KNTC1: variants seen among roughly 807,000 people sequenced by gnomAD.
KNTC1 encodes the protein kinetochore-associated protein 1.
Under a neutral mutation model 314.4 loss-of-function variants are expected in KNTC1, and 253 were observed. The ratio of observed to expected loss-of-function variants is 0.80; its 90% CI spans 0.73 to 0.89. The LOEUF (loss-of-function observed/expected upper bound fraction) is 0.89, where lower values mean the gene tolerates loss of function less well. Ranked by LOEUF, KNTC1 falls within the 40% of genes least tolerant of loss-of-function variation. KNTC1 has a pLI of 0.00. For synonymous variants in KNTC1, 901 were observed against 901.4 expected (o/e 1.00, Z 0.01); for missense variants, 2,475 against 2,572.9 (o/e 0.96, Z 0.82).
At chr12:122,529,512 T>C (rs1296043308) in intron 1 of KNTC1, among the ~76,000 whole-genome samples, 1 of 152,178 alleles carries the variant, frequency 6.6e-6, no homozygotes. Context: ...CTCCTCCCCT[T>C]ATCATTTTTA....
At chr12:122,577,948 A>T (rs887117025) in intron 31 of KNTC1, among the ~76,000 whole-genome samples, 157 bp downstream of exon 31, 2 of 152,208 alleles carry the variant, frequency 1.3e-5, no homozygotes. Context: ...TACTAGGAGA[A>T]AAAAAACAAT....
intron 3 of KNTC1, among the ~76,000 whole-genome samples, chr12:122,536,205 G>A (rs1482872202): frequency 2.7e-5 from 4 of 149,988 alleles, no homozygotes; most frequent in East Asian, 2.0e-4. Context: ...ACCCGACCCC[G>A]AAAGTTTTTT....
At position 122,573,222 on chromosome 12, in the gene KNTC1, T is replaced by A. The variant is rs1182349957; in HGVS notation, c.2220T>A (p.Phe740Leu). The change falls in exon 26 of 64, where the codon TTT becomes TTA. Residue 740 changes from phenylalanine (F) to leucine (L), a missense_variant. By Grantham distance (22) the Phe-to-Leu change is conservative. Transcript: ENST00000333479. ...PELIPSILEKFIRVYMREHDL... is the reference protein window; with the variant it reads ...PELIPSILEKLIRVYMREHDL... ...TTATTCCCTCCATCTTAGAGAAGTT[T>A]ATAAGAGTTTACATGAGAGAACATG... The A allele has an allele frequency of 3.7e-6, 6 of 1,613,890 alleles. No individual in the cohort carries two copies. Among genetic ancestry groups the A allele is most frequent in the Non-Finnish European group, 5.1e-6 (6 of 1,179,800 alleles).
intron 6 of KNTC1, among the ~76,000 whole-genome samples, chr12:122,543,235 G>A (rs1962487448): frequency 6.6e-6 from 1 of 152,148 alleles, no homozygotes; most frequent in African/African-American, 2.4e-5. Context: ...TTAAAATACT[G>A]ACTTGCCAGG....
chr12:122,614,543 T>C (rs955387226), intron 55 of KNTC1, among the ~76,000 whole-genome samples: 2 of 152,122 alleles, frequency 1.3e-5, no homozygotes, highest in Non-Finnish European at 2.9e-5. Context: ...GTCATGTCTT[T>C]CATTAGAAAG....
Position 122,613,755 on chromosome 12 carries a change from G to C in KNTC1, c.5871G>C (p.Glu1957Asp). The change falls in exon 55 of 64, where the codon GAG becomes GAC. Residue 1957 changes from glutamate (E) to aspartate (D), a missense_variant. Coordinates refer to ENST00000333479, the MANE Select transcript of KNTC1 (RefSeq NM_014708.6). ...GTCTGTGGAAAAACCACAGCCACGA[G>C]TCCATGGTAGGTACACCTCACTGCC... is the stretch of plus-strand genomic sequence containing the variant. ...IKGLWKNHSH[E>D]SMAVRLVTEL... The C allele has an allele frequency of 6.2e-7, 1 of 1,607,944 alleles. No homozygotes were observed.
chr12:122,597,757 T>A lies in KNTC1; in HGVS notation c.4382T>A (p.Val1461Asp). 1 of 1,613,924 alleles carries A rather than the reference T, an allele frequency of 6.2e-7. No homozygotes were observed. Among genetic ancestry groups the A allele is most frequent in the East Asian group, 2.2e-5 (1 of 44,890 alleles). ...CSTFQLDCDAVLQLFIETLLH... is the reference protein window; with the variant it reads ...CSTFQLDCDADLQLFIETLLH... ...ACATTTCAGTTGGACTGCGATGCAGTTCTTCAGCTCTTCATTGAAACGCTG... is the reference window on the plus strand; with the variant it reads ...ACATTTCAGTTGGACTGCGATGCAGATCTTCAGCTCTTCATTGAAACGCTG... The change falls in exon 44 of 64, where the codon GTT (valine) becomes GAT (aspartate). Residue 1461 changes from valine to aspartate, a missense_variant. Coordinates refer to ENST00000333479, the MANE Select transcript of KNTC1 (RefSeq NM_014708.6).
chr12:122,562,746 A>C, intron 20 of KNTC1, 47 bp downstream of exon 20: 399 of 1,135,376 alleles, frequency 3.5e-4, no homozygotes, highest in Non-Finnish European at 4.8e-4. Flanking sequence ...ATGGTGTCTC[A>C]CGCCTGTAAT....
intron 10 of KNTC1, 75 bp downstream of exon 10, chr12:122,546,749 A>AG: frequency 2.0e-6 from 2 of 978,578 alleles, no homozygotes; most frequent in Non-Finnish European, 3.1e-6. Flanking sequence ...TACAAAGGCA[A>AG]GGGTTTTAGC....
Position 122,539,815 on chromosome 12 carries a change from T to C in KNTC1, c.445+61T>C. ...TTTTTTTTTTTTAATGGAGTCTCCC[T>C]TTGTCGCCCAGGCTGGAGTGCAGTG... On this transcript the variant is annotated intron_variant, in intron 5 of 63. Transcript: ENST00000333479. The C allele has an allele frequency of 3.5e-6, 4 of 1,135,816 alleles. No homozygotes were observed. In the South Asian group the frequency reaches 6.0e-5, roughly 17 times the overall value. 70.4% of individuals were successfully genotyped at this position (1,135,816 alleles called of 1,614,324 possible).
At position 122,590,602 on chromosome 12, in the gene KNTC1, T is replaced by G; in HGVS notation, c.4000-5T>G. ...TTTGCTTCTTTTGCTGGTTTCTTCC[T>G]GTAGGTATTTAATTGTCGCTTGGTA... On this transcript the variant is annotated splice_region_variant and splice_polypyrimidine_tract_variant and intron_variant, in intron 40 of 63. Coordinates refer to ENST00000333479, the MANE Select transcript of KNTC1 (RefSeq NM_014708.6). 6.2e-7 allele frequency: 1 copy of G among 1,609,528 alleles called. No individual in the cohort carries two copies. The highest frequency in any genetic ancestry group is 1.1e-5 in the South Asian group (1 of 90,098).
chr12:122,609,258 T>C (rs1232929104), intron 51 of KNTC1, 126 bp from the exon 52 acceptor site: 1 of 680,226 alleles, frequency 1.5e-6, no homozygotes, highest in Non-Finnish European at 2.6e-6. Context: ...ATTTATGTTA[T>C]AATTTTTCAA....
intron 10 of KNTC1, 95 bp downstream of exon 10, chr12:122,546,769 T>C: frequency 1.3e-6 from 1 of 746,210 alleles, no homozygotes; most frequent in South Asian, 1.7e-5. Flanking sequence ...CTAGGGTGGA[T>C]AACTATCTTG....
Position 122,624,641 on chromosome 12 carries a change from T to C in KNTC1, c.6559T>C (p.Cys2187Arg). The change falls in exon 63 of 64, where the codon TGC (cysteine) becomes CGC (arginine). Residue 2187 changes from cysteine (C) to arginine (R), a missense_variant. Cys to Arg is a radical substitution (Grantham distance 180). Coordinates refer to ENST00000333479, the MANE Select transcript of KNTC1 (RefSeq NM_014708.6). ...SVLITEYSKHCGKPVPPDTAP... is the reference protein window; with the variant it reads ...SVLITEYSKHRGKPVPPDTAP... Reference sequence around the variant, plus strand: ...CTTGATAACTGAATATTCAAAGCACTGCGGGAAACCTGTGCCTCCAGACAC... The same window carrying C: ...CTTGATAACTGAATATTCAAAGCACCGCGGGAAACCTGTGCCTCCAGACAC... 6.2e-7 allele frequency: 1 copy of C among 1,613,692 alleles called. No homozygotes were observed. The highest frequency in any genetic ancestry group is 8.5e-7 in the Non-Finnish European group (1 of 1,179,658).
rs751808157 is a variant in KNTC1 at position 122,568,349 on chromosome 12, C to T, written c.1693C>T (p.Gln565Ter). ...QLKEGNLVCA[Q>*]YLWLRHRANF... ...AAAAGAAGGAAACCTTGTTTGTGCA[C>T]AGTATCTTTGGCTTCGACATCGGGT... The change falls in exon 21 of 64, where the codon CAG becomes TAG. Residue 565 changes from glutamine to a stop codon, truncating the protein, a stop_gained. Coordinates refer to ENST00000333479, the MANE Select transcript of KNTC1 (RefSeq NM_014708.6). LOFTEE classifies it high-confidence loss of function. 4 of 1,595,514 alleles carry T rather than the reference C, an allele frequency of 2.5e-6. No homozygotes were observed. Among genetic ancestry groups the T allele is most frequent in the South Asian group, 1.1e-5 (1 of 89,964 alleles).
intron 16 of KNTC1, among the ~76,000 whole-genome samples, chr12:122,556,630 G>A (rs904959262): frequency 1.9e-4 from 29 of 151,638 alleles, no homozygotes; most frequent in African/African-American, 6.3e-4. Flanking sequence ...CCACTAACAT[G>A]CACTGCTAAG....
chr12:122,551,915 TC>T (rs1167509911), intron 16 of KNTC1, among the ~76,000 whole-genome samples: 1 of 151,976 alleles, frequency 6.6e-6, no homozygotes, highest in Non-Finnish European at 1.5e-5. Context: ...CTTTTTTTTT[TC>T]TTTTTTCTTG....
At chr12:122,576,378 G>C (rs746358313) in intron 29 of KNTC1, among the ~76,000 whole-genome samples, 2 of 151,986 alleles carry the variant, frequency 1.3e-5, no homozygotes, top group Non-Finnish European at 2.9e-5. Context: ...CTTTTTATGA[G>C]AGTATTAAAG....
Position 122,600,062 on chromosome 12 carries a change from A to C in KNTC1, c.4564-1474A>C, listed in dbSNP as rs538048817. Among the ~76,000 whole-genome samples the C allele has an allele frequency of 2.8e-4, 43 of 151,902 alleles. No homozygotes were observed. The South Asian group carries it at 8.9e-3, about 32-fold the overall frequency. The stretch of plus-strand genomic sequence containing the variant: ...AGTAATGGTGTGTGGGTAGAAAGAA[A>C]GAACAAAGAGAAGACTTCCTTTTTT... On this transcript the variant is annotated intron_variant, in intron 44 of 63. Coordinates refer to ENST00000333479, the MANE Select transcript of KNTC1 (RefSeq NM_014708.6).
Sources: gnomAD v4.1 joint callset for allele counts (sites outside exome capture counted in the v4.1 genomes callset) on GRCh38, gnomAD v4.1.1 for gene constraint, MANE v1.5 for transcripts, NCBI Gene and HGNC (gene_info 2026-07-23, HGNC 2026-07-21) for gene names.